Variants in PTPRD observed in about 807,000 individuals in gnomAD.
The protein encoded by PTPRD is protein tyrosine phosphatase receptor type D, also known as receptor-type tyrosine-protein phosphatase delta.
In PTPRD, 34 loss-of-function variants were observed where a neutral mutation model predicts 214.5. The ratio of observed to expected loss-of-function variants is 0.16; its 90% CI spans 0.12 to 0.21. PTPRD has a LOEUF of 0.21. Ranked by LOEUF, PTPRD falls within the 10% of genes least tolerant of loss-of-function variation. PTPRD has a pLI of 1.00. For synonymous variants in PTPRD, 1,128 were observed against 845.7 expected, an observed-to-expected ratio of 1.33 and a Z score of -5.79; for missense variants, 2,545 against 2,398.7, an observed-to-expected ratio of 1.06 and a Z score of -1.27.
At chr9:9,387,770 A>G (rs995012461) in intron 9 of PTPRD, among the ~76,000 whole-genome samples, 4 of 152,228 alleles carry the variant, frequency 2.6e-5, no homozygotes, top group African/African-American at 7.2e-5. Flanking sequence ...CCACTGCTCA[A>G]TCCTCTAGGG....
chr9:10,110,306 G>A (rs2098679164), intron 3 of PTPRD, among the ~76,000 whole-genome samples: 1 of 152,140 alleles, frequency 6.6e-6, no homozygotes, highest in South Asian at 2.1e-4. Flanking sequence ...CTGTGAAGTT[G>A]TTATTATTGC....
intron 11 of PTPRD, among the ~76,000 whole-genome samples, chr9:8,769,007 C>G (rs957641966): frequency 6.6e-6 from 1 of 152,134 alleles, no homozygotes; most frequent in Non-Finnish European, 1.5e-5. Flanking sequence ...CAGGGAGGCA[C>G]AGGGGAGGTG....
At chr9:8,921,850 T>G (rs1261421657) in intron 11 of PTPRD, among the ~76,000 whole-genome samples, 3 of 152,154 alleles carry the variant, frequency 2.0e-5, no homozygotes, top group Non-Finnish European at 4.4e-5. Context: ...CCATTGCAAT[T>G]AATATATCAG....
intron 11 of PTPRD, among the ~76,000 whole-genome samples, chr9:8,951,210 A>G (rs2099100284): frequency 1.3e-5 from 2 of 151,212 alleles, no homozygotes; most frequent in African/African-American, 2.4e-5. Context: ...AATGGTAGAC[A>G]TCAACTACTT....
intron 43 of PTPRD, among the ~76,000 whole-genome samples, chr9:8,334,663 G>A (rs1379520457): frequency 9.2e-6 from 1 of 109,106 alleles, no homozygotes; most frequent in Admixed American, 8.6e-5. Context: ...AAAGCTAACA[G>A]AAGACAAGAA....
chr9:8,337,415 A>G (rs1053664018), intron 43 of PTPRD, among the ~76,000 whole-genome samples: 2 of 151,994 alleles, frequency 1.3e-5, no homozygotes, highest in Non-Finnish European at 2.9e-5. Context: ...ACACACGGAC[A>G]CACGGAGGGG....
At chr9:9,084,579 C>A (rs1158059840) in intron 10 of PTPRD, among the ~76,000 whole-genome samples, 1 of 152,022 alleles carries the variant, frequency 6.6e-6, no homozygotes, top group Non-Finnish European at 1.5e-5. Flanking sequence ...CACTGACACA[C>A]ATTTCTGGGA....
chr9:9,092,679 T>C (rs983376385), intron 10 of PTPRD, among the ~76,000 whole-genome samples: 2 of 152,064 alleles, frequency 1.3e-5, no homozygotes, highest in African/African-American at 2.4e-5. Context: ...TTGACTGAAA[T>C]AGACAATGGA....
chr9:9,699,802 T>A (rs924645847), intron 7 of PTPRD, among the ~76,000 whole-genome samples: 1 of 152,178 alleles, frequency 6.6e-6, no homozygotes, highest in Non-Finnish European at 1.5e-5. Flanking sequence ...GTGATAACTA[T>A]AAATCAGAAC....
chr9:10,531,618 T>C (rs1230979206), intron 2 of PTPRD, among the ~76,000 whole-genome samples: 1 of 152,172 alleles, frequency 6.6e-6, no homozygotes, highest in Non-Finnish European at 1.5e-5. Flanking sequence ...AAAGGGAAGT[T>C]CTCTGACATT....
chr9:9,495,998 C>T (rs554090485), intron 8 of PTPRD, among the ~76,000 whole-genome samples: 17 of 152,270 alleles, frequency 1.1e-4, no homozygotes, highest in South Asian at 2.1e-4. Flanking sequence ...TGTCAGCTCC[C>T]GTAGCAGCTG....
chr9:9,419,128 TACAC>T lies in PTPRD; in HGVS notation c.-236-21650_-236-21647del, dbSNP rs142908778. The stretch of plus-strand genomic sequence containing the variant: ...ATGAATTCTAAAGATAGGCCCCTTA[TACAC>T]ACACACACACACACACACACACACA... On this transcript the variant is annotated intron_variant, in intron 8 of 45. Transcript: ENST00000381196. 3.9e-3 allele frequency among the ~76,000 whole-genome samples: 549 copies of T among 139,984 alleles called. 1 individual carries two copies. Among genetic ancestry groups the T allele is most frequent in the African/African-American group, 0.012 (465 of 37,876 alleles). The allele number at this position is 139,984 out of a possible 152,430, so 91.8% of individuals were successfully genotyped here. A position where few individuals can be genotyped will look rare whatever the true frequency, so the allele number is the denominator to read the frequency against.
At chr9:9,779,894 T>C (rs187149879) in intron 5 of PTPRD, among the ~76,000 whole-genome samples, 27 of 152,262 alleles carry the variant, frequency 1.8e-4, no homozygotes, top group African/African-American at 6.5e-4. Flanking sequence ...AACCCAGCAA[T>C]CCCATTACTG....
At chr9:10,332,487 A>G (rs769932476) in intron 3 of PTPRD, among the ~76,000 whole-genome samples, 16 of 151,280 alleles carry the variant, frequency 1.1e-4, no homozygotes, top group Non-Finnish European at 2.1e-4. Flanking sequence ...AGAAAAAAAC[A>G]TCTTTGACTT....
chr9:8,416,057 C>G (rs1332685882), intron 35 of PTPRD, among the ~76,000 whole-genome samples: 1 of 139,516 alleles, frequency 7.2e-6, no homozygotes, highest in Middle Eastern at 3.5e-3. Context: ...TAAACTCTGT[C>G]AGAAAGCCTT....
chr9:10,426,304 C>A (rs1185988340), intron 2 of PTPRD, among the ~76,000 whole-genome samples: 1 of 151,926 alleles, frequency 6.6e-6, no homozygotes, highest in Non-Finnish European at 1.5e-5. Flanking sequence ...TGTCATTGCT[C>A]TGAGTTACTT....
At chr9:10,168,163 A>C (rs1202694125) in intron 3 of PTPRD, among the ~76,000 whole-genome samples, 1 of 152,220 alleles carries the variant, frequency 6.6e-6, no homozygotes, top group African/African-American at 2.4e-5. Context: ...AAATATATGA[A>C]AATTGCATTG....
chr9:8,550,252 A>C (rs904057758), intron 14 of PTPRD, among the ~76,000 whole-genome samples: 1 of 152,186 alleles, frequency 6.6e-6, no homozygotes, highest in Non-Finnish European at 1.5e-5. Flanking sequence ...TCCTAAGATT[A>C]GTATAGATAC....
chr9:9,543,178 T>G (rs912763805), intron 8 of PTPRD, among the ~76,000 whole-genome samples: 1 of 151,720 alleles, frequency 6.6e-6, no homozygotes, highest in Non-Finnish European at 1.5e-5. Flanking sequence ...AAACATTTTG[T>G]TGAGCAAAAT....
Sources: gnomAD v4.1 joint callset for allele counts (sites outside exome capture counted in the v4.1 genomes callset) on GRCh38, gnomAD v4.1.1 for gene constraint, MANE v1.5 for transcripts, NCBI Gene and HGNC (gene_info 2026-07-23, HGNC 2026-07-21) for gene names.